The following PTPRD variants were observed in gnomAD, a reference collection of about 807,000 sequenced individuals.
The protein encoded by PTPRD is protein tyrosine phosphatase receptor type D.
Under a neutral mutation model 214.5 loss-of-function variants are expected in PTPRD, and 34 were observed. The observed-to-expected ratio is 0.16, with a 90% CI of 0.12 to 0.21. The LOEUF (loss-of-function observed/expected upper bound fraction) is 0.21. Among genes scored for constraint, PTPRD ranks in the 10% least tolerant of loss-of-function variants. The pLI is 1.00. For synonymous variants in PTPRD, 1,128 were observed against 845.7 expected (o/e 1.33, Z -5.79); for missense variants, 2,545 against 2,398.7 (o/e 1.06, Z -1.27).
At chr9:9,468,503 T>C (rs2094374950) in intron 8 of PTPRD, among the ~76,000 whole-genome samples, 2 of 152,056 alleles carry the variant, frequency 1.3e-5, no homozygotes, top group Non-Finnish European at 2.9e-5. Flanking sequence ...TTTTTCACTT[T>C]CAGCACTCTT....
rs73641228 is a variant in PTPRD, at chr9:9,179,323, C to T, written c.-143+3981G>A. On this transcript the variant is annotated intron_variant, in intron 10 of 45. Coordinates refer to ENST00000381196, the MANE Select transcript of PTPRD (RefSeq NM_002839.4). The stretch of plus-strand genomic sequence containing the variant: ...ATAAGCAAAGCATTTGGCTATAGAA[C>T]CCACAGTATTGTTATGTTCACCCCA... Among the ~76,000 whole-genome samples, 258 of 152,166 alleles carry T rather than the reference C, an allele frequency of 1.7e-3. 2 individuals carry two copies. The highest frequency in any genetic ancestry group is 5.5e-3 in the African/African-American group (230 of 41,550).
At chr9:8,802,575 AG>A (rs1365788350) in intron 11 of PTPRD, among the ~76,000 whole-genome samples, 4 of 152,242 alleles carry the variant, frequency 2.6e-5, no homozygotes, top group African/African-American at 9.6e-5. Flanking sequence ...CTCAGCCTGC[AG>A]GAAGTTCCCA....
intron 4 of PTPRD, among the ~76,000 whole-genome samples, chr9:9,972,514 C>T (rs1045766576): frequency 2.0e-5 from 3 of 152,114 alleles, no homozygotes; most frequent in Non-Finnish European, 2.9e-5. Context: ...ACTTGAGTGC[C>T]TATTTGTACA....
chr9:8,806,982 T>C (rs759611307), intron 11 of PTPRD, among the ~76,000 whole-genome samples: 16 of 152,188 alleles, frequency 1.1e-4, no homozygotes, highest in Non-Finnish European at 1.8e-4. Flanking sequence ...TTGCCTTTGT[T>C]CCATCACAAT....
intron 3 of PTPRD, among the ~76,000 whole-genome samples, chr9:10,255,777 A>T (rs1022647094): frequency 6.6e-6 from 1 of 152,146 alleles, no homozygotes; most frequent in Non-Finnish European, 1.5e-5. Flanking sequence ...AAATATCCTT[A>T]TTCTATACAG....
intron 2 of PTPRD, among the ~76,000 whole-genome samples, chr9:10,415,672 G>A (rs1030780784): frequency 5.9e-5 from 9 of 151,834 alleles, no homozygotes; most frequent in African/African-American, 2.2e-4. Context: ...AAATTGCAAA[G>A]TATTAAAAAG....
At chr9:9,108,154 G>A (rs1030645948) in intron 10 of PTPRD, among the ~76,000 whole-genome samples, 3 of 152,054 alleles carry the variant, frequency 2.0e-5, no homozygotes, top group African/African-American at 7.2e-5. Context: ...GTTTTCTTAA[G>A]TTACAGTTTT....
intron 11 of PTPRD, among the ~76,000 whole-genome samples, chr9:8,960,435 G>A (rs2099152896): frequency 1.3e-5 from 2 of 152,064 alleles, no homozygotes; most frequent in South Asian, 2.1e-4. Flanking sequence ...AGGACATTGT[G>A]CTTTGCGTAG....
chr9:9,168,350 C>G (rs2130851395), intron 10 of PTPRD, among the ~76,000 whole-genome samples: 1 of 152,202 alleles, frequency 6.6e-6, no homozygotes, highest in South Asian at 2.1e-4. Flanking sequence ...ATTTTTTTAT[C>G]TTGCCTTTTT....
intron 11 of PTPRD, among the ~76,000 whole-genome samples, chr9:8,934,404 TG>T (rs35660270): frequency 0.23 from 14,769 of 64,056 alleles, 2,475 homozygotes; most frequent in Middle Eastern, 0.36. Flanking sequence ...TGTGTGTGTG[TG>T]TGTGTGTGTG....
intron 34 of PTPRD, among the ~76,000 whole-genome samples, chr9:8,443,952 T>C (rs901957120): frequency 6.6e-6 from 1 of 152,224 alleles, no homozygotes; most frequent in Non-Finnish European, 1.5e-5. Context: ...ATGTTTATTT[T>C]CATCATTTTG....
chr9:8,396,787 T>G (rs933877157), intron 36 of PTPRD, among the ~76,000 whole-genome samples: 10 of 152,162 alleles, frequency 6.6e-5, no homozygotes, highest in Admixed American at 2.6e-4. Context: ...ACAGCTCTAA[T>G]TAGACAGCTC....
intron 3 of PTPRD, among the ~76,000 whole-genome samples, chr9:10,218,308 C>A (rs1564595567): frequency 6.6e-6 from 1 of 151,914 alleles, no homozygotes; most frequent in Non-Finnish European, 1.5e-5. Context: ...ATCTATCTCA[C>A]CTGTACCTAC....
intron 8 of PTPRD, among the ~76,000 whole-genome samples, chr9:9,536,568 C>T (rs2076555733): frequency 6.6e-6 from 1 of 151,968 alleles, no homozygotes; most frequent in Non-Finnish European, 1.5e-5. Flanking sequence ...GATTATCAAA[C>T]TCACTGGGCT....
intron 3 of PTPRD, among the ~76,000 whole-genome samples, chr9:10,322,808 G>A (rs2096575786): frequency 6.6e-6 from 1 of 151,960 alleles, no homozygotes; most frequent in Admixed American, 6.6e-5. Context: ...TTTGGACCTG[G>A]GAAAGGTGAA....
intron 14 of PTPRD, among the ~76,000 whole-genome samples, chr9:8,599,726 C>A (rs1336207284): frequency 6.7e-6 from 1 of 150,226 alleles, no homozygotes; most frequent in Non-Finnish European, 1.5e-5. Flanking sequence ...AAGCGATTCT[C>A]CTGCTTCAGC....
chr9:8,458,545 A>G (rs1247394882), intron 33 of PTPRD, among the ~76,000 whole-genome samples: 1 of 152,146 alleles, frequency 6.6e-6, no homozygotes, highest in Admixed American at 6.5e-5. Context: ...ACCTAAATCA[A>G]TATTTCCCAG....
intron 5 of PTPRD, among the ~76,000 whole-genome samples, chr9:9,894,508 A>T (rs541655170): frequency 6.6e-6 from 1 of 151,714 alleles, no homozygotes; most frequent in South Asian, 2.1e-4. Context: ...TTCCTGATAC[A>T]CCTATTTTCT....
intron 3 of PTPRD, among the ~76,000 whole-genome samples, chr9:10,047,753 C>T (rs1029038810): frequency 1.3e-5 from 2 of 152,112 alleles, no homozygotes; most frequent in Non-Finnish European, 2.9e-5. Context: ...CTTGAAAAAT[C>T]AGGTGGGTGA....
Sources: gnomAD v4.1 joint callset for allele counts (sites outside exome capture counted in the v4.1 genomes callset) on GRCh38, gnomAD v4.1.1 for gene constraint, MANE v1.5 for transcripts, NCBI Gene and HGNC (gene_info 2026-07-23, HGNC 2026-07-21) for gene names.